The following VPS35L variants were observed in gnomAD, a reference collection of about 807,000 sequenced individuals.
VPS35L encodes the protein VPS35 endosomal protein-sorting factor-like.
Under a neutral mutation model 133.0 loss-of-function variants are expected in VPS35L, and 83 were observed. That is an observed-to-expected ratio of 0.62 (90% CI 0.52 to 0.75). The LOEUF (loss-of-function observed/expected upper bound fraction) is 0.75. Ranked by LOEUF, VPS35L falls within the 30% of genes least tolerant of loss-of-function variation. The probability of loss-of-function intolerance (pLI) is 0.00; values close to 1 mark genes in which losing one functional copy is unlikely to be tolerated. For missense variants in VPS35L, 1,083 were observed against 1,206.8 expected, an observed-to-expected ratio of 0.90 and a Z score of 1.52; for synonymous variants, 423 against 449.9, an observed-to-expected ratio of 0.94 and a Z score of 0.76.
chr16:19,569,699 C>G, intron 3 of VPS35L, 108 bp downstream of exon 3: 4 of 1,165,318 alleles, frequency 3.4e-6, no homozygotes, highest in Non-Finnish European at 4.6e-6. Flanking sequence ...GACAGAGTCT[C>G]ACTCTGTCAC....
At chr16:19,622,472 C>T (rs912581654) in intron 14 of VPS35L, among the ~76,000 whole-genome samples, 1 of 151,928 alleles carries the variant, frequency 6.6e-6, no homozygotes, top group Non-Finnish European at 1.5e-5. Flanking sequence ...TGCTGTGAGA[C>T]TCAAGTCTCA....
At chr16:19,565,202 G>A (rs115104029) in intron 2 of VPS35L, among the ~76,000 whole-genome samples, 7,276 of 147,274 alleles carry the variant, frequency 0.049, 217 homozygotes, top group African/African-American at 0.085. Flanking sequence ...ATAGGCACAC[G>A]CCACCATGCC....
At chr16:19,653,262 C>T (rs556613504) in intron 26 of VPS35L, among the ~76,000 whole-genome samples, 5 of 152,304 alleles carry the variant, frequency 3.3e-5, no homozygotes, top group South Asian at 2.1e-4. Flanking sequence ...CCTACTGCAA[C>T]GGTGTACGCC....
At chr16:19,568,343 C>G (rs1208827343) in intron 2 of VPS35L, among the ~76,000 whole-genome samples, 1 of 151,380 alleles carries the variant, frequency 6.6e-6, no homozygotes, top group Non-Finnish European at 1.5e-5. Flanking sequence ...CTGTATCGCC[C>G]AGCTGGAGTG....
At chr16:19,684,735 G>T (rs181848787) in intron 28 of VPS35L, among the ~76,000 whole-genome samples, 1 of 152,168 alleles carries the variant, frequency 6.6e-6, no homozygotes, top group Non-Finnish European at 1.5e-5. Context: ...GTGGTGGGAC[G>T]TGCATTACAC....
intron 26 of VPS35L, among the ~76,000 whole-genome samples, chr16:19,667,854 A>G (rs1203263234): frequency 6.6e-6 from 1 of 151,536 alleles, no homozygotes; most frequent in Non-Finnish European, 1.5e-5. Context: ...CTGTTTGTCT[A>G]CCTGCCCATG....
At chr16:19,561,439 C>A (rs959603711) in intron 1 of VPS35L, among the ~76,000 whole-genome samples, 13 of 152,166 alleles carry the variant, frequency 8.5e-5, no homozygotes, top group African/African-American at 3.1e-4. Flanking sequence ...TCCTTTCCTA[C>A]ACTTGAAGCC....
intron 26 of VPS35L, among the ~76,000 whole-genome samples, chr16:19,660,218 G>A (rs937601041): frequency 2.6e-5 from 4 of 151,866 alleles, no homozygotes; most frequent in Non-Finnish European, 2.9e-5. Context: ...CCAGCTACTC[G>A]GGAGGCTAAC....
chr16:19,610,048 A>G (rs75713027), intron 11 of VPS35L, among the ~76,000 whole-genome samples: 396 of 152,312 alleles, frequency 2.6e-3, no homozygotes, highest in Non-Finnish European at 4.8e-3. Context: ...AATAAAATAA[A>G]TGTGACCTCG....
chr16:19,697,073 C>T (rs1401024141), intron 29 of VPS35L, among the ~76,000 whole-genome samples: 1 of 152,114 alleles, frequency 6.6e-6, no homozygotes, highest in Non-Finnish European at 1.5e-5. Flanking sequence ...GGTCGCCAGC[C>T]AGTTTGCGAG....
intron 8 of VPS35L, among the ~76,000 whole-genome samples, chr16:19,600,340 C>G (rs17326483): frequency 0.31 from 46,434 of 151,704 alleles, 8,386 homozygotes; most frequent in Non-Finnish European, 0.41. Flanking sequence ...AATAAGGACT[C>G]TAATTTTTTA....
chr16:19,563,315 TAA>T (rs900116765), intron 1 of VPS35L, among the ~76,000 whole-genome samples: 3 of 135,906 alleles, frequency 2.2e-5, no homozygotes, highest in Admixed American at 7.4e-5. Context: ...CAAAAAAACT[TAA>T]AAAAAAAAAA....
At chr16:19,678,641 C>A (rs1031273549) in intron 27 of VPS35L, among the ~76,000 whole-genome samples, 1 of 152,000 alleles carries the variant, frequency 6.6e-6, no homozygotes, top group African/African-American at 2.4e-5. Flanking sequence ...CCATGCCCAG[C>A]TAATTTTTGT....
intron 8 of VPS35L, among the ~76,000 whole-genome samples, chr16:19,593,937 GAAAA>G (rs372086435): frequency 6.6e-6 from 1 of 150,480 alleles, no homozygotes; most frequent in Non-Finnish European, 1.5e-5. Context: ...AAAGAAAAGA[GAAAA>G]AAAAAGACCT....
intron 27 of VPS35L, among the ~76,000 whole-genome samples, chr16:19,676,654 T>C (rs1224514462): frequency 6.6e-6 from 1 of 152,154 alleles, no homozygotes; most frequent in Non-Finnish European, 1.5e-5. Flanking sequence ...GGGAGATGTC[T>C]TTTCTCCTAC....
chr16:19,683,266 T>C (rs1419508773), intron 28 of VPS35L, among the ~76,000 whole-genome samples: 1 of 152,212 alleles, frequency 6.6e-6, no homozygotes, highest in Non-Finnish European at 1.5e-5. Flanking sequence ...TGAGATCATG[T>C]TGAACATCAG....
intron 16 of VPS35L, 31 bp from the exon 17 acceptor site, chr16:19,628,605 TC>T: frequency 1.6e-6 from 2 of 1,217,514 alleles, no homozygotes; most frequent in Non-Finnish European, 2.4e-6. Context: ...ATTTAAAATT[TC>T]CATAACATGA....
intron 18 of VPS35L, among the ~76,000 whole-genome samples, chr16:19,630,123 A>G (rs74011464): frequency 0.051 from 7,701 of 152,112 alleles, 636 homozygotes; most frequent in African/African-American, 0.17. Context: ...ACTGTACATC[A>G]GAGTCTAGTA....
intron 7 of VPS35L, 140 bp downstream of exon 7, chr16:19,581,793 A>G: frequency 2.0e-6 from 2 of 1,016,536 alleles, no homozygotes; most frequent in East Asian, 5.0e-5. Flanking sequence ...CTTCCTGTGA[A>G]AAGCCATGAT....
Sources: allele counts gnomAD v4.1 joint callset (sites outside exome capture counted in the v4.1 genomes callset), GRCh38; gene constraint gnomAD v4.1.1; transcripts MANE v1.5; gene names NCBI Gene and HGNC (gene_info 2026-07-23, HGNC 2026-07-21).